CEP112: variants seen among roughly 807,000 people sequenced by gnomAD.
CEP112 encodes the protein centrosomal protein of 112 kDa.
A neutral mutation model predicts 153.0 loss-of-function variants in CEP112; 127 were observed. That is an observed-to-expected ratio of 0.83 (90% CI 0.72 to 0.96). The LOEUF (loss-of-function observed/expected upper bound fraction) is 0.96. Among genes scored for constraint, CEP112 ranks in the 40% least tolerant of loss-of-function variants. The pLI, the probability that CEP112 is intolerant of heterozygous loss-of-function variation, is 0.00. For synonymous variants in CEP112, 358 were observed against 374.4 expected (o/e 0.96, Z 0.51); for missense variants, 1,089 against 1,101.2 (o/e 0.99, Z 0.16).
chr17:65,879,950 G>C (rs891960400), intron 20 of CEP112, among the ~76,000 whole-genome samples: 1 of 151,218 alleles, frequency 6.6e-6, no homozygotes, highest in African/African-American at 2.4e-5. Flanking sequence ...AGCTAGGATA[G>C]AAAAATTATC....
At chr17:65,884,715 T>TC (rs1296784678) in intron 20 of CEP112, among the ~76,000 whole-genome samples, 1 of 149,770 alleles carries the variant, frequency 6.7e-6, no homozygotes, top group Non-Finnish European at 1.5e-5. Context: ...TCTTTTTTTT[T>TC]TTTCTTTTTT....
chr17:65,821,519 TATA>T (rs2056559978), intron 21 of CEP112, among the ~76,000 whole-genome samples: 22 of 26,680 alleles, frequency 8.2e-4, no homozygotes, highest in Non-Finnish European at 1.0e-3. Context: ...TATAATTATA[TATA>T]TATATATATA....
intron 21 of CEP112, among the ~76,000 whole-genome samples, chr17:65,790,215 T>C (rs1363825875): frequency 1.3e-5 from 2 of 152,190 alleles, no homozygotes; most frequent in African/African-American, 4.8e-5. Context: ...AGAGCCATTT[T>C]TGGCTTTATA....
chr17:66,159,921 T>A (rs145701526), intron 4 of CEP112, among the ~76,000 whole-genome samples: 1 of 151,296 alleles, frequency 6.6e-6, no homozygotes, highest in Non-Finnish European at 1.5e-5. Context: ...GTCTCTGACA[T>A]GACTGTATAT....
chr17:65,991,237 C>A (rs1027907724), intron 17 of CEP112, among the ~76,000 whole-genome samples: 8 of 152,092 alleles, frequency 5.3e-5, no homozygotes, highest in Non-Finnish European at 1.2e-4. Context: ...TGATATAATT[C>A]ATTGAATTCT....
At chr17:65,844,906 A>C (rs2057668785) in intron 21 of CEP112, among the ~76,000 whole-genome samples, 1 of 151,802 alleles carries the variant, frequency 6.6e-6, no homozygotes, top group African/African-American at 2.4e-5. Flanking sequence ...CCCAGCTACT[A>C]GGGAGGCTGA....
chr17:66,078,841 T>A (rs2067608112), intron 8 of CEP112, among the ~76,000 whole-genome samples: 1 of 152,128 alleles, frequency 6.6e-6, no homozygotes, highest in African/African-American at 2.4e-5. Context: ...TCTCTCAGCA[T>A]TTGTTTGTCT....
intron 18 of CEP112, among the ~76,000 whole-genome samples, chr17:65,937,523 A>T (rs1599074404): frequency 7.2e-6 from 1 of 138,250 alleles, no homozygotes; most frequent in Non-Finnish European, 1.6e-5. Context: ...CTGAGAAGTG[A>T]GGAGCCCCTC....
At chr17:66,151,833 T>C (rs2071222865) in intron 4 of CEP112, among the ~76,000 whole-genome samples, 2 of 152,166 alleles carry the variant, frequency 1.3e-5, no homozygotes, top group South Asian at 2.1e-4. Context: ...GTCAATACTT[T>C]GTTTGCAACC....
chr17:66,179,873 GT>G (rs898720854), intron 2 of CEP112, among the ~76,000 whole-genome samples: 15 of 151,842 alleles, frequency 9.9e-5, no homozygotes, highest in South Asian at 2.1e-4. Flanking sequence ...TTGATACCCA[GT>G]TTTTTTTAGG....
chr17:66,009,315 G>A (rs1197142160), intron 16 of CEP112, among the ~76,000 whole-genome samples: 2 of 151,880 alleles, frequency 1.3e-5, no homozygotes, highest in Non-Finnish European at 2.9e-5. Flanking sequence ...GTGATGTCGA[G>A]AATGTTTCAT....
At chr17:65,829,547 T>A (rs2146101837) in intron 21 of CEP112, among the ~76,000 whole-genome samples, 1 of 152,292 alleles carries the variant, frequency 6.6e-6, no homozygotes, top group East Asian at 1.9e-4. Flanking sequence ...CCTGAGTCTC[T>A]TAATAAAGAG....
At chr17:65,809,481 T>C (rs766106872) in intron 21 of CEP112, among the ~76,000 whole-genome samples, 1 of 152,154 alleles carries the variant, frequency 6.6e-6, no homozygotes, top group Non-Finnish European at 1.5e-5. Context: ...AGAGTCAATT[T>C]AGATTTATTT....
chr17:65,958,446 T>C (rs1458396380), intron 18 of CEP112, among the ~76,000 whole-genome samples: 1 of 152,166 alleles, frequency 6.6e-6, no homozygotes, highest in Non-Finnish European at 1.5e-5. Flanking sequence ...TCTGTACTCC[T>C]GGGGGTTGGG....
chr17:66,146,625 C>T (rs1325009581), intron 4 of CEP112, among the ~76,000 whole-genome samples: 3 of 152,084 alleles, frequency 2.0e-5, no homozygotes, highest in African/African-American at 4.8e-5. Flanking sequence ...CTCCAGATTT[C>T]AACCTGAAAA....
rs533714745 is a variant in CEP112 at position 66,083,754 on chromosome 17, G to A, written c.768+12497C>T. ...TAGTTCCAGCTACTCGGGAGGCTGAGGCAGGAGAATTGCTCGAACCTGGGA... is the reference window on the plus strand; with the variant it reads ...TAGTTCCAGCTACTCGGGAGGCTGAAGCAGGAGAATTGCTCGAACCTGGGA... On this transcript the variant is annotated intron_variant, in intron 8 of 26. Coordinates refer to ENST00000535342, the MANE Select transcript of CEP112 (RefSeq NM_001199165.4). Among the ~76,000 whole-genome samples the A allele has an allele frequency of 2.0e-5, 3 of 152,236 alleles. No homozygotes were observed. In the East Asian group the frequency reaches 5.8e-4, roughly 29 times the overall value.
intron 16 of CEP112, among the ~76,000 whole-genome samples, chr17:66,012,368 G>A (rs2064569088): frequency 6.6e-6 from 1 of 152,146 alleles, no homozygotes; most frequent in African/African-American, 2.4e-5. Context: ...GCTGTTAACG[G>A]TCTATCCTTC....
At chr17:65,949,222 C>A (rs528070517) in intron 18 of CEP112, among the ~76,000 whole-genome samples, 11 of 152,128 alleles carry the variant, frequency 7.2e-5, no homozygotes, top group Non-Finnish European at 1.2e-4. Flanking sequence ...ACTTGATTTG[C>A]GAATAAGCCT....
chr17:65,759,477 T>C (rs1432765787), intron 21 of CEP112, among the ~76,000 whole-genome samples: 4 of 152,134 alleles, frequency 2.6e-5, no homozygotes, highest in Non-Finnish European at 5.9e-5. Flanking sequence ...CAAAAATATT[T>C]AGAAAATTTA....
Sources: gnomAD v4.1 joint callset for allele counts (sites outside exome capture counted in the v4.1 genomes callset) on GRCh38, gnomAD v4.1.1 for gene constraint, MANE v1.5 for transcripts, NCBI Gene and HGNC (gene_info 2026-07-23, HGNC 2026-07-21) for gene names.